INTS1: variants seen among roughly 807,000 people sequenced by gnomAD.
INTS1 encodes the protein integrator complex subunit 1.
Under a neutral mutation model 241.6 loss-of-function variants are expected in INTS1, and 137 were observed. The ratio of observed to expected loss-of-function variants is 0.57; its 90% CI spans 0.49 to 0.65. The LOEUF (loss-of-function observed/expected upper bound fraction) is 0.65. INTS1 is among the 30% of genes least tolerant of loss of function. The pLI, the probability that INTS1 is intolerant of heterozygous loss-of-function variation, is 0.00. For missense variants in INTS1, 3,073 were observed against 3,032.2 expected (o/e 1.01, Z -0.32); for synonymous variants, 1,692 against 1,337.8 (o/e 1.26, Z -5.78).
rs746796887 is a variant in INTS1, at chr7:1,483,958, T to C, written c.3429+45A>G. The C allele has an allele frequency of 3.8e-5, 60 of 1,589,722 alleles. 1 individual carries two copies. The South Asian group carries it at 6.5e-4, about 17-fold the overall frequency. ...CGTGCCGTGCAGCCTCACCCAGCCG[T>C]AGACCTCCTCGCCCTCACCCGGCCG... On this transcript the variant is annotated intron_variant, in intron 25 of 47. Coordinates refer to ENST00000404767, the MANE Select transcript of INTS1 (RefSeq NM_001080453.3).
intron 16 of INTS1, 24 bp downstream of exon 16, chr7:1,492,986 G>A (rs1327826450): frequency 1.3e-6 from 2 of 1,581,846 alleles, no homozygotes; most frequent in Admixed American, 1.7e-5. Flanking sequence ...CCGGGCGGGA[G>A]TGGGGAGCGG....
At chr7:1,471,054 C>A (rs1318967607) in intron 46 of INTS1, 79 bp downstream of exon 46, 5 of 1,514,854 alleles carry the variant, frequency 3.3e-6, no homozygotes, top group Non-Finnish European at 4.5e-6. Flanking sequence ...CCTGGTCTGG[C>A]CACCAGGCGG....
chr7:1,475,899 G>A, intron 39 of INTS1, 49 bp downstream of exon 39: 1 of 1,518,314 alleles, frequency 6.6e-7, no homozygotes, highest in South Asian at 1.2e-5. Context: ...TCCCTGCCCG[G>A]CCAGGGCACC....
In INTS1 at chr7:1,470,615, C is replaced by A. The variant is rs868118664; in HGVS notation, c.6535G>T (p.Glu2179Ter). 6.3e-7 allele frequency: 1 copy of A among 1,585,108 alleles called. No homozygotes were observed. The highest frequency in any genetic ancestry group is 2.3e-5 in the East Asian group (1 of 43,494). ...TCCATATGCAGGATCCTCAGGGCCT[C>A]GGAGATCTGCGCGCTGGGGTCCATC... Reference protein sequence around the residue: ...GQMDPSAQISEALRILHMEAV... With the variant: ...GQMDPSAQIS Residue 2179 changes from glutamate (E) to a stop codon, truncating the protein, a stop_gained, in exon 48 of 48, where the codon GAG becomes TAG. Coordinates refer to ENST00000404767, the MANE Select transcript of INTS1 (RefSeq NM_001080453.3). LOFTEE classifies it high-confidence loss of function.
Position 1,480,298 on chromosome 7 carries a change from C to A in INTS1, c.4074+19G>T. 6.3e-7 allele frequency: 1 copy of A among 1,592,116 alleles called. No individual in the cohort carries two copies. The highest frequency in any genetic ancestry group is 8.6e-7 in the Non-Finnish European group (1 of 1,167,302). On this transcript the variant is annotated intron_variant, in intron 30 of 47. Transcript: ENST00000404767. ...AAGAGGGGCTGCAGGTGGAGACCCA[C>A]ATGCAGCAGCAACGCTACCTGGAGG... is the stretch of plus-strand genomic sequence containing the variant.
chr7:1,495,376 G>A (rs915835838), intron 13 of INTS1, 57 bp downstream of exon 13: 33 of 1,566,320 alleles, frequency 2.1e-5, no homozygotes, highest in African/African-American at 6.8e-5. Context: ...GCGGGGCCCC[G>A]GCTTGTCCCG....
intron 36 of INTS1, 49 bp from the exon 37 acceptor site, chr7:1,476,706 G>A (rs1033815066): frequency 1.9e-6 from 3 of 1,611,976 alleles, no homozygotes; most frequent in Middle Eastern, 1.7e-4. Flanking sequence ...GTCTCAGCAT[G>A]GGAGATACCA....
At chr7:1,499,397 C>CA in intron 6 of INTS1, 37 bp from the exon 7 acceptor site, 1 of 1,531,320 alleles carries the variant, frequency 6.5e-7, no homozygotes, top group Admixed American at 1.9e-5. Flanking sequence ...CAGCGCCTCC[C>CA]ACCCGCCCAT....
chr7:1,471,260 G>C, intron 45 of INTS1, 36 bp from the exon 46 acceptor site: 1 of 1,546,070 alleles, frequency 6.5e-7, no homozygotes, highest in South Asian at 1.2e-5. Flanking sequence ...TGTGACCAAG[G>C]GGTCCAGCCC....
At chr7:1,474,497 G>T in intron 40 of INTS1, 137 bp from the exon 41 acceptor site, 2 of 1,162,782 alleles carry the variant, frequency 1.7e-6, no homozygotes, top group South Asian at 1.6e-5. Flanking sequence ...TAAGGAGGTG[G>T]GGATGAGATC....
rs372807730 is a variant in INTS1, at chr7:1,487,694, C to T, written c.2516+66G>A. The T allele has an allele frequency of 3.3e-3, 5,224 of 1,571,110 alleles. 11 individuals carry two copies. The highest frequency in any genetic ancestry group is 4.0e-3 in the Non-Finnish European group (4,672 of 1,155,054). The stretch of plus-strand genomic sequence containing the variant: ...TCCGCCTGCTCCTTCAGCCTCTGTC[C>T]CACCCACACCAACCACCCACAGGTC... On this transcript the variant is annotated intron_variant, in intron 19 of 47. Transcript: ENST00000404767.
chr7:1,496,325 C>T (rs577361361), intron 11 of INTS1, 61 bp from the exon 12 acceptor site: 4 of 678,418 alleles, frequency 5.9e-6, no homozygotes, highest in East Asian at 5.4e-5. Context: ...ACTCCACACC[C>T]ACGTGGGCGC....
chr7:1,486,964 G>A lies in INTS1; in HGVS notation c.2784C>T (p.Asp928=), dbSNP rs1001323423. Residue 928 remains aspartate, a synonymous_variant, in exon 21 of 48, where the codon GAC becomes GAT. Transcript: ENST00000404767. ...AVDDAASGEE[D]DEGESKEQKA... ...TCTGCTCCTTGCTCTCGCCCTCGTC[G>A]TCCTCCTCCCCGGAAGCAGCATCGT... The A allele has an allele frequency of 2.0e-5, 32 of 1,607,712 alleles. No individual in the cohort carries two copies. Among genetic ancestry groups the A allele is most frequent in the East Asian group, 1.8e-4 (8 of 44,808 alleles).
Position 1,476,593 on chromosome 7 carries a change from C to T in INTS1, c.5128G>A (p.Gly1710Arg). Residue 1710 changes from glycine (G) to arginine (R), a missense_variant, in exon 37 of 48, where the codon GGG becomes AGG. Physicochemically the swap from Gly to Arg is moderately radical, Grantham distance 125. Coordinates refer to ENST00000404767, the MANE Select transcript of INTS1 (RefSeq NM_001080453.3). ...ACIHVPRIWQ[G>R]RDQRTPQKRR... is the part of the protein sequence containing the mutation. Reference sequence around the variant, plus strand: ...GCCTGCGGGGTGCGCTGGTCCCGCCCCTGCCAGATGCGAGGAACATGGATG... The same window carrying T: ...GCCTGCGGGGTGCGCTGGTCCCGCCTCTGCCAGATGCGAGGAACATGGATG... The T allele has an allele frequency of 6.2e-7, 1 of 1,605,494 alleles. No homozygotes were observed. The highest frequency in any genetic ancestry group is 1.1e-5 in the South Asian group (1 of 90,780).
rs1268527071 is a variant in INTS1 at position 1,476,252 on chromosome 7, G to A, written c.5355C>T (p.Gly1785=). The change falls in exon 38 of 48, where the codon GGC becomes GGT. Residue 1785 remains glycine (G), a synonymous_variant. Coordinates refer to ENST00000404767, the MANE Select transcript of INTS1 (RefSeq NM_001080453.3). ...ACCTGTCTCCCCACTGCTGGATGCAGCCTGACAGGTGCTCCGTCACCTTCC... is the reference window on the plus strand; with the variant it reads ...ACCTGTCTCCCCACTGCTGGATGCAACCTGACAGGTGCTCCGTCACCTTCC... The part of the protein sequence containing the change: ...SVRKVTEHLS[G]CIQQWGDSVL... 2 of 1,563,054 alleles carry A rather than the reference G, an allele frequency of 1.3e-6. No homozygotes were observed. The highest frequency in any genetic ancestry group is 1.2e-5 in the South Asian group (1 of 84,916).
Position 1,496,203 on chromosome 7 carries a change from G to T in INTS1, c.1664C>A (p.Ala555Glu), listed in dbSNP as rs767691124. 2 of 1,613,844 alleles carry T rather than the reference G, an allele frequency of 1.2e-6. No homozygotes were observed. The highest frequency in any genetic ancestry group is 1.7e-6 in the Non-Finnish European group (2 of 1,179,818). Residue 555 changes from alanine to glutamate, a missense_variant, in exon 12 of 48, where the codon GCG (alanine) becomes GAG (glutamate). Coordinates refer to ENST00000404767, the MANE Select transcript of INTS1 (RefSeq NM_001080453.3). ...LAVSMMLGIT[A>E]QVKEAGIAWD... ...GGCGATGCCGGCCTCCTTCACCTGC[G>T]CTGTGATGCCCAGCATCATGGACAC...
rs540721037 is a variant in INTS1, at chr7:1,481,850, C to T, written c.3704-362G>A. Among the ~76,000 whole-genome samples the T allele has an allele frequency of 6.6e-6, 1 of 152,284 alleles. No individual in the cohort carries two copies. The highest frequency in any genetic ancestry group is 2.4e-5 in the African/African-American group (1 of 41,560). On this transcript the variant is annotated intron_variant, in intron 27 of 47. Transcript: ENST00000404767. This position sits in a 1 kb window ranked among gnomAD's most constrained non-coding sequence, Gnocchi z 6.8. ...ACAAGGGGGCAGCGTGTCGGGACCA[C>T]CTTGCACCCTGGATGGCAGCTGTGT... is the stretch of plus-strand genomic sequence containing the variant.
rs1156962745 is a variant in INTS1 at position 1,489,397 on chromosome 7, A to G, written c.2265T>C (p.Ala755=). 1.8e-5 allele frequency: 18 copies of G among 1,007,424 alleles called. No homozygotes were observed. The highest frequency in any genetic ancestry group is 2.1e-5 in the Non-Finnish European group (18 of 847,620). 62.4% of individuals were successfully genotyped at this position (1,007,424 alleles called of 1,614,324 possible). A position where few individuals can be genotyped will look rare whatever the true frequency, so the allele number is the denominator to read the frequency against. ...TCAGGGTCGGGTACTCCTCCCACGCAGCCAGGCCTAGGGAACCGGAGGGTG... is the reference window on the plus strand; with the variant it reads ...TCAGGGTCGGGTACTCCTCCCACGCGGCCAGGCCTAGGGAACCGGAGGGTG... ...AAFNPENIGL[A]AWEEYPTLKM... Residue 755 remains alanine (A), a synonymous_variant, in exon 18 of 48, where the codon GCT becomes GCC. Transcript: ENST00000404767.
At position 1,470,507 on chromosome 7, in the gene INTS1, T is replaced by G. The variant is rs1781403267; in HGVS notation, c.*70A>C. ...ACAGACCAGCAACGCCCACGCTTCCTGGGCTTTGCCTCGAGGATCCCCGGG... is the reference window on the plus strand; with the variant it reads ...ACAGACCAGCAACGCCCACGCTTCCGGGGCTTTGCCTCGAGGATCCCCGGG... On this transcript the variant is annotated 3_prime_UTR_variant, in exon 48 of 48. Coordinates refer to ENST00000404767, the MANE Select transcript of INTS1 (RefSeq NM_001080453.3). 8 of 1,258,426 alleles carry G rather than the reference T, an allele frequency of 6.4e-6. No homozygotes were observed. Among genetic ancestry groups the G allele is most frequent in the Non-Finnish European group, 8.7e-6 (8 of 918,350 alleles). 78.0% of individuals were successfully genotyped at this position (1,258,426 alleles called of 1,614,324 possible). A position where few individuals can be genotyped will look rare whatever the true frequency, so the allele number is the denominator to read the frequency against.
Sources: allele counts gnomAD v4.1 joint callset (sites outside exome capture counted in the v4.1 genomes callset), GRCh38; gene constraint gnomAD v4.1.1; non-coding constraint Gnocchi (gnomAD v3.1); transcripts MANE v1.5; gene names NCBI Gene and HGNC (gene_info 2026-07-23, HGNC 2026-07-21).